EZH2: variants seen among roughly 807,000 people sequenced by gnomAD.
The protein encoded by EZH2 is enhancer of zeste 2 polycomb repressive complex 2 subunit.
Under a neutral mutation model 98.4 loss-of-function variants are expected in EZH2, and 18 were observed. The ratio of observed to expected loss-of-function variants is 0.18; its 90% confidence interval spans 0.13 to 0.27. EZH2 has a LOEUF of 0.27. Among genes scored for constraint, EZH2 ranks in the 10% least tolerant of loss-of-function variants. EZH2 has a pLI of 1.00. For synonymous variants in EZH2, 338 were observed against 312.3 expected (o/e 1.08, Z -0.87); for missense variants, 470 against 935.1 (o/e 0.50, Z 6.49).
intron 1 of EZH2, among the ~76,000 whole-genome samples, chr7:148,860,869 C>T (rs1241322129): frequency 6.6e-6 from 1 of 152,064 alleles, no homozygotes; most frequent in Admixed American, 6.6e-5. Context: ...GACAGGGTTT[C>T]GCCATGTTGC....
rs77821583 is a variant in EZH2 at position 148,808,737 on chromosome 7, T to C, written c.2195+334A>G. Among the ~76,000 whole-genome samples the C allele has an allele frequency of 8.7e-3, 1,330 of 152,286 alleles. 15 individuals are homozygous for C. The highest frequency in any genetic ancestry group is 0.029 in the African/African-American group (1,211 of 41,536). On this transcript the variant is annotated intron_variant, in intron 19 of 19. Coordinates refer to ENST00000320356, the MANE Select transcript of EZH2 (RefSeq NM_004456.5). ...TGTTGCAGAAAAATCTATAGGACAG[T>C]GTGATCGCACTTATCTGGAAAACGC...
At chr7:148,883,998 T>TCACCCTC (rs1821430002) in intron 1 of EZH2, 166 bp downstream of exon 1, 1 of 150,454 alleles carries the variant, frequency 6.6e-6, no homozygotes, top group Non-Finnish European at 1.5e-5. Context: ...GGCTCTCCCC[T>TCACCCTC]CACCCTCCAC....
chr7:148,869,699 T>C (rs547448496), intron 1 of EZH2, among the ~76,000 whole-genome samples: 2 of 152,360 alleles, frequency 1.3e-5, no homozygotes, highest in East Asian at 3.9e-4. Context: ...ATTTACTAAT[T>C]ACTTCATCTG....
chr7:148,869,448 C>T lies in EZH2; in HGVS notation c.-8+14716G>A, dbSNP rs183500075. On this transcript the variant is annotated intron_variant, in intron 1 of 19. Transcript: ENST00000320356. ...GCAGTCTCTACCTTCTGGGCTCAAG[C>T]GACCCTCTCACCTCACTCTCCCATG... 2.9e-4 allele frequency among the ~76,000 whole-genome samples: 44 copies of T among 149,628 alleles called. No homozygotes were observed. In the East Asian group the frequency reaches 7.9e-3, roughly 27 times the overall value.
rs143589780 is a variant in EZH2 at position 148,869,338 on chromosome 7, C to CTT, written c.-8+14824_-8+14825dup. Among the ~76,000 whole-genome samples, 649 of 80,304 alleles carry CTT rather than the reference C, an allele frequency of 8.1e-3. 4 individuals carry two copies. The highest frequency in any genetic ancestry group is 0.012 in the East Asian group (31 of 2,534). The allele number at this position is 80,304 out of a possible 152,430, so 52.7% of individuals were successfully genotyped here. On this transcript the variant is annotated intron_variant, in intron 1 of 19. Transcript: ENST00000320356. ...AAAGGACCCTATAGGCAGCAATAGC[C>CTT]TTTTTTTTTTTTTTTTTTTTTTTTG...
chr7:148,842,926 C>G (rs866207830), intron 3 of EZH2, among the ~76,000 whole-genome samples: 19 of 151,342 alleles, frequency 1.3e-4, no homozygotes, highest in Admixed American at 2.0e-4. Context: ...AAAATTAGCC[C>G]GATGTGCTCG....
At chr7:148,814,261 C>G in intron 14 of EZH2, 124 bp from the exon 15 acceptor site, 1 of 778,568 alleles carries the variant, frequency 1.3e-6, no homozygotes, top group Non-Finnish European at 2.1e-6. Flanking sequence ...CCTTATTACC[C>G]TACTATATAG....
intron 3 of EZH2, among the ~76,000 whole-genome samples, chr7:148,834,796 A>G (rs1810443959): frequency 6.6e-6 from 1 of 152,194 alleles, no homozygotes; most frequent in Non-Finnish European, 1.5e-5. Context: ...CCAATAATCC[A>G]ATAAAAACAG....
At position 148,825,018 on chromosome 7, in the gene EZH2, T is replaced by G. The variant is rs1807293904; in HGVS notation, c.907+1436A>C. 1.6e-4 allele frequency among the ~76,000 whole-genome samples: 25 copies of G among 152,228 alleles called. No homozygotes were observed. In the South Asian group the frequency reaches 4.4e-3, roughly 27 times the overall value. On this transcript the variant is annotated intron_variant, in intron 8 of 19. Coordinates refer to ENST00000320356, the MANE Select transcript of EZH2 (RefSeq NM_004456.5). ...GAATGGCACAATAAAAAACTTGTAATGTTTAAAAGTAGTGTCCTACTTCTA... is the reference window on the plus strand; with the variant it reads ...GAATGGCACAATAAAAAACTTGTAAGGTTTAAAAGTAGTGTCCTACTTCTA...
chr7:148,838,705 C>G (rs908548656), intron 3 of EZH2, among the ~76,000 whole-genome samples: 9 of 152,068 alleles, frequency 5.9e-5, no homozygotes, highest in African/African-American at 2.2e-4. Context: ...TGTTTTGAAG[C>G]CTTGCTTAAA....
chr7:148,872,923 C>T (rs1016598388), intron 1 of EZH2, among the ~76,000 whole-genome samples: 3 of 151,804 alleles, frequency 2.0e-5, no homozygotes, highest in African/African-American at 7.3e-5. Context: ...GGATAAAGAT[C>T]ACTGGGATCT....
chr7:148,832,226 C>T (rs1344622058), intron 4 of EZH2, among the ~76,000 whole-genome samples: 1 of 152,146 alleles, frequency 6.6e-6, no homozygotes, highest in East Asian at 1.9e-4. Context: ...CTTGGGACTA[C>T]AGACATGCGC....
intron 6 of EZH2, 106 bp downstream of exon 6, chr7:148,828,634 A>G (rs750122807): frequency 4.5e-5 from 62 of 1,380,974 alleles, no homozygotes; most frequent in Non-Finnish European, 6.1e-5. Context: ...GATATTTAAC[A>G]AAGAAAGAAA....
At chr7:148,821,314 C>T (rs1806016331) in intron 8 of EZH2, among the ~76,000 whole-genome samples, 1 of 151,988 alleles carries the variant, frequency 6.6e-6, no homozygotes, top group Non-Finnish European at 1.5e-5. Context: ...ACAGCAGCAG[C>T]AAGTTTAATA....
At chr7:148,823,729 C>A (rs1563228466) in intron 8 of EZH2, among the ~76,000 whole-genome samples, 1 of 151,692 alleles carries the variant, frequency 6.6e-6, no homozygotes, top group Non-Finnish European at 1.5e-5. Context: ...TAGCTCACTG[C>A]AGCCTCAAAC....
intron 1 of EZH2, among the ~76,000 whole-genome samples, chr7:148,878,995 C>T (rs1443063669): frequency 4.6e-5 from 7 of 152,114 alleles, no homozygotes; most frequent in Non-Finnish European, 1.5e-5. Context: ...GAGGCCGAGG[C>T]AGGCGGATCA....
At chr7:148,812,048 C>G (rs568496806) in intron 15 of EZH2, among the ~76,000 whole-genome samples, 1 of 152,302 alleles carries the variant, frequency 6.6e-6, no homozygotes, top group Non-Finnish European at 1.5e-5. Flanking sequence ...CCTTGATTTC[C>G]TCGAGTAATT....
chr7:148,817,141 ATTTTC>A (rs1484326689), intron 11 of EZH2, 76 bp downstream of exon 11: 33 of 1,364,004 alleles, frequency 2.4e-5, no homozygotes, highest in Middle Eastern at 2.0e-4. Context: ...ATAACCAAGA[ATTTTC>A]TTTGTTTGGA....
At chr7:148,831,638 A>G (rs1364254718) in intron 4 of EZH2, among the ~76,000 whole-genome samples, 1 of 152,224 alleles carries the variant, frequency 6.6e-6, no homozygotes, top group Non-Finnish European at 1.5e-5. Flanking sequence ...CCTCAAGGTC[A>G]TGCAATGTAA....
Sources: gnomAD v4.1 joint callset for allele counts (sites outside exome capture counted in the v4.1 genomes callset) on GRCh38, gnomAD v4.1.1 for gene constraint, MANE v1.5 for transcripts, NCBI Gene and HGNC (gene_info 2026-07-23, HGNC 2026-07-21) for gene names.